The following SLIT1 variants were observed in gnomAD, a reference collection of about 807,000 sequenced individuals.
The protein encoded by SLIT1 is slit homolog 1 protein.
A neutral mutation model predicts 186.1 loss-of-function variants in SLIT1; 66 were observed. The observed-to-expected ratio is 0.35, with a 90% confidence interval of 0.29 to 0.44. The LOEUF (loss-of-function observed/expected upper bound fraction) is 0.44. Ranked by LOEUF, SLIT1 falls within the 20% of genes least tolerant of loss-of-function variation. The pLI is 1.00. For synonymous variants in SLIT1, 761 were observed against 833.8 expected (o/e 0.91, Z 1.50); for missense variants, 1,638 against 2,037.4 (o/e 0.80, Z 3.77).
rs746039746 is a variant in SLIT1 at position 97,004,214 on chromosome 10, G to A, written c.3719C>T (p.Thr1240Met). The A allele has an allele frequency of 5.0e-6, 8 of 1,604,966 alleles. No homozygotes were observed. Among genetic ancestry groups the A allele is most frequent in the South Asian group, 3.3e-5 (3 of 90,812 alleles). Residue 1240 changes from threonine to methionine, a missense_variant, in exon 34 of 37, where the codon ACG becomes ATG. Physicochemically the swap from Thr to Met is moderately conservative, Grantham distance 81 (BLOSUM62 -1). Around this residue, in one of 3 missense-constraint regions of SLIT1, gnomAD observed 173 missense variants for 290.9 expected, o/e 0.59. Coordinates refer to ENST00000266058, the MANE Select transcript of SLIT1 (RefSeq NM_003061.3). The surrounding 1 kb of genome is among the most constrained non-coding windows in gnomAD (Gnocchi z 5.1). ...GGTGTGGAATTGCCCATCGTTGATC[G>A]TCTCAGCACTGGAGGAAGAGGGGGT... ...YPSSAIYSAE[T>M]INDGQFHTVE...
At chr10:97,082,562 G>A (rs1849116055) in intron 4 of SLIT1, among the ~76,000 whole-genome samples, 1 of 152,054 alleles carries the variant, frequency 6.6e-6, no homozygotes, top group Admixed American at 6.5e-5. Context: ...AGCCTCCCAA[G>A]TAGCTGGGAC....
intron 13 of SLIT1, among the ~76,000 whole-genome samples, chr10:97,052,125 G>T (rs527655034): frequency 3.7e-5 from 5 of 135,764 alleles, no homozygotes; most frequent in Admixed American, 8.3e-5. Context: ...TTTTGGAGTC[G>T]GTCTCAGGCT....
At chr10:97,125,523 G>T (rs1849595831) in intron 4 of SLIT1, among the ~76,000 whole-genome samples, 1 of 116,926 alleles carries the variant, frequency 8.6e-6, no homozygotes, top group Non-Finnish European at 1.8e-5. Flanking sequence ...GACAAAGCGA[G>T]ACCCTGTGTC....
At chr10:97,025,671 T>C (rs1300251668) in intron 25 of SLIT1, among the ~76,000 whole-genome samples, 1 of 152,202 alleles carries the variant, frequency 6.6e-6, no homozygotes, top group African/African-American at 2.4e-5. Context: ...AAAAGGACTG[T>C]GGATTCAGGT....
intron 13 of SLIT1, among the ~76,000 whole-genome samples, chr10:97,050,635 C>T (rs978245959): frequency 1.3e-5 from 2 of 152,150 alleles, no homozygotes; most frequent in Admixed American, 6.5e-5. Context: ...TTAAAACATA[C>T]CAGGATTTAA....
intron 2 of SLIT1, among the ~76,000 whole-genome samples, chr10:97,163,922 G>A (rs1850066854): frequency 6.6e-6 from 1 of 152,206 alleles, no homozygotes; most frequent in African/African-American, 2.4e-5. Flanking sequence ...AGGGGGAGGG[G>A]AGCCTGTGCC....
At chr10:97,163,485 G>T in intron 2 of SLIT1, 34 bp from the exon 3 acceptor site, 1 of 1,596,984 alleles carries the variant, frequency 6.3e-7, no homozygotes, top group Non-Finnish European at 8.6e-7. Context: ...CAGCTACAGG[G>T]TGTGGGACAA....
chr10:97,042,629 G>A (rs1429359406), intron 20 of SLIT1, among the ~76,000 whole-genome samples: 1 of 152,178 alleles, frequency 6.6e-6, no homozygotes, highest in Admixed American at 6.5e-5. Flanking sequence ...TTCTCTGAGC[G>A]ATGGAATAAT....
At chr10:97,013,202 AT>A (rs1848425980) in intron 30 of SLIT1, among the ~76,000 whole-genome samples, 1 of 152,194 alleles carries the variant, frequency 6.6e-6, no homozygotes, top group South Asian at 2.1e-4. Context: ...ATCTATACAT[AT>A]TCACATTACG....
chr10:97,004,307 T>A lies in SLIT1; in HGVS notation c.3711-85A>T. ...CTGGGCACTTCCCCAGAAACACCAG[T>A]AGCTGCTTCCCAGGAGACCAAATAT... is the stretch of plus-strand genomic sequence containing the variant. On this transcript the variant is annotated intron_variant, in intron 33 of 36. Coordinates refer to ENST00000266058, the MANE Select transcript of SLIT1 (RefSeq NM_003061.3). This position sits in a 1 kb window ranked among gnomAD's most constrained non-coding sequence, Gnocchi z 5.1. 7.3e-7 allele frequency: 1 copy of A among 1,368,814 alleles called. No individual in the cohort carries two copies. The highest frequency in any genetic ancestry group is 1.0e-6 in the Non-Finnish European group (1 of 985,712). The allele number at this position is 1,368,814 out of a possible 1,614,324, so 84.8% of individuals were successfully genotyped here.
At chr10:97,108,222 G>A (rs1356385109) in intron 4 of SLIT1, among the ~76,000 whole-genome samples, 1 of 152,206 alleles carries the variant, frequency 6.6e-6, no homozygotes. Flanking sequence ...TGCAGCAGGG[G>A]AGGTGGGTAG....
rs189963521 is a variant in SLIT1 at position 97,145,417 on chromosome 10, A to G, written c.413+12401T>C. On this transcript the variant is annotated intron_variant, in intron 4 of 36. Transcript: ENST00000266058. Reference sequence around the variant, plus strand: ...AGGCGTGAGCCACTGTGCCTGACCTATTTTCATGCTGTCCATTTTTCCTAC... The same window carrying G: ...AGGCGTGAGCCACTGTGCCTGACCTGTTTTCATGCTGTCCATTTTTCCTAC... Among the ~76,000 whole-genome samples the G allele has an allele frequency of 1.8e-4, 28 of 152,106 alleles. No homozygotes were observed. In the East Asian group the frequency reaches 5.0e-3, roughly 27 times the overall value.
At position 97,069,264 on chromosome 10, in the gene SLIT1, C is replaced by T. The variant is rs148573664; in HGVS notation, c.414-3178G>A. On this transcript the variant is annotated intron_variant, in intron 4 of 36. Transcript: ENST00000266058. ...AGCCCAGGCTGACATGGGAGCCCAA[C>T]ATGAAACCAAACTCACCTTGATGGA... is the stretch of plus-strand genomic sequence containing the variant. Among the ~76,000 whole-genome samples, 101 of 152,342 alleles carry T rather than the reference C, an allele frequency of 6.6e-4. 1 individual carries two copies. The highest frequency in any genetic ancestry group is 5.8e-3 in the East Asian group (30 of 5,188).
chr10:97,063,582 G>T lies in SLIT1; in HGVS notation c.666C>A (p.His222Gln). 4 of 1,612,910 alleles carry T rather than the reference G, an allele frequency of 2.5e-6. No individual in the cohort carries two copies. Among genetic ancestry groups the T allele is most frequent in the Non-Finnish European group, 3.4e-6 (4 of 1,179,564 alleles). Residue 222 changes from histidine to glutamine, a missense_variant, in exon 8 of 37, where the codon CAC (histidine) becomes CAA (glutamine). His to Gln is a conservative substitution (Grantham distance 24). Transcript: ENST00000266058. ...LHSNHLFCDC[H>Q]LAWLSQWLRQ... is the part of the protein sequence containing the mutation. ...TCAGCCACTGCGAGAGCCAGGCCAG[G>T]TGGCAGTCGCAAAACAGGTGGTTGG... is the stretch of plus-strand genomic sequence containing the variant.
rs542848173 is a variant in SLIT1, at chr10:97,049,050, T to C, written c.1370A>G (p.Asn457Ser). 6.2e-7 allele frequency: 1 copy of C among 1,613,766 alleles called. No homozygotes were observed. The highest frequency in any genetic ancestry group is 2.2e-5 in the East Asian group (1 of 44,866). The change falls in exon 14 of 37, where the codon AAT (asparagine) becomes AGT (serine). Residue 457 changes from asparagine (N) to serine (S), a missense_variant. Asn to Ser is a conservative substitution (Grantham distance 46). Coordinates refer to ENST00000266058, the MANE Select transcript of SLIT1 (RefSeq NM_003061.3). ...GCGGGCACCACTCGTCTCGATGGGA[T>C]TGGTGCGCAGGAAGTCTGCCAGCCA... ...LKWLADFLRTNPIETSGARCA... is the reference protein window; with the variant it reads ...LKWLADFLRTSPIETSGARCA...
chr10:97,010,104 C>T lies in SLIT1; in HGVS notation c.3341+889G>A, dbSNP rs1292966307. 6.6e-6 allele frequency among the ~76,000 whole-genome samples: 1 copy of T among 152,198 alleles called. No homozygotes were observed. Among genetic ancestry groups the T allele is most frequent in the African/African-American group, 2.4e-5 (1 of 41,434 alleles). ...ATGTATGTCTACACAAAAACCTGTACAAAAATGTCGATAAGATCAGTCTTC... is the reference window on the plus strand; with the variant it reads ...ATGTATGTCTACACAAAAACCTGTATAAAAATGTCGATAAGATCAGTCTTC... On this transcript the variant is annotated intron_variant, in intron 31 of 36. Coordinates refer to ENST00000266058, the MANE Select transcript of SLIT1 (RefSeq NM_003061.3). This position sits in a 1 kb window ranked among gnomAD's most constrained non-coding sequence, Gnocchi z 4.8.
At chr10:97,060,222 G>T in intron 9 of SLIT1, 64 bp from the exon 10 acceptor site, 1 of 1,335,016 alleles carries the variant, frequency 7.5e-7, no homozygotes, top group Non-Finnish European at 1.1e-6. Context: ...GGTGTTATCT[G>T]CTGGGCTCAC....
At chr10:97,059,039 G>A (rs1166768603) in intron 11 of SLIT1, among the ~76,000 whole-genome samples, 1 of 152,218 alleles carries the variant, frequency 6.6e-6, no homozygotes, top group African/African-American at 2.4e-5. Flanking sequence ...ATAGCAAGTT[G>A]TGGCAGATGT....
chr10:97,170,459 C>T (rs2134736068), intron 1 of SLIT1, among the ~76,000 whole-genome samples: 1 of 152,336 alleles, frequency 6.6e-6, no homozygotes, highest in South Asian at 2.1e-4. Context: ...CATGGCTCTG[C>T]CAGGAGGTGG....
Sources: allele counts gnomAD v4.1 joint callset (sites outside exome capture counted in the v4.1 genomes callset), GRCh38; gene constraint gnomAD v4.1.1; regional missense constraint gnomAD v4.1.1; non-coding constraint Gnocchi (gnomAD v3.1); transcripts MANE v1.5; gene names NCBI Gene and HGNC (gene_info 2026-07-23, HGNC 2026-07-21).